DNAJC6: variants seen among roughly 807,000 people sequenced by gnomAD.
DNAJC6 encodes DnaJ heat shock protein family (Hsp40) member C6.
In DNAJC6, 34 loss-of-function variants were observed where a neutral mutation model predicts 110.0. That is an observed-to-expected ratio of 0.31 (90% CI 0.24 to 0.41). The LOEUF (loss-of-function observed/expected upper bound fraction) is 0.41, where lower values mean the gene tolerates loss of function less well. DNAJC6 is among the 10% of genes least tolerant of loss of function. The probability of loss-of-function intolerance (pLI) is 1.00; values close to 1 mark genes in which losing one functional copy is unlikely to be tolerated. For missense variants in DNAJC6, 1,031 were observed against 1,207.8 expected (o/e 0.85, Z 2.17); for synonymous variants, 406 against 437.2 (o/e 0.93, Z 0.89).
In DNAJC6 at chr1:65,389,612, T is replaced by G; in HGVS notation, c.1453T>G (p.Ser485Ala). The change falls in exon 11 of 19, where the codon TCT becomes GCT. Residue 485 changes from serine to alanine, a missense_variant. By Grantham distance (99) the Ser-to-Ala change is moderately conservative. Coordinates refer to ENST00000371069, the MANE Select transcript of DNAJC6 (RefSeq NM_001256864.2). ...RHYGQSGFFA[S>A]LCWQDQKSEK... ...TTACGGACAAAGTGGTTTCTTTGCC[T>G]CTCTCTGTTGGCAAGGTATTTACAA... 1 of 1,614,146 alleles carries G rather than the reference T, an allele frequency of 6.2e-7. No individual in the cohort carries two copies. The highest frequency in any genetic ancestry group is 8.5e-7 in the Non-Finnish European group (1 of 1,179,968).
chr1:65,278,789 C>A (rs1045063465), intron 1 of DNAJC6, among the ~76,000 whole-genome samples: 2 of 152,304 alleles, frequency 1.3e-5, no homozygotes, highest in Admixed American at 1.3e-4. Context: ...GGGAATGTCT[C>A]ATAACCAGGA....
intron 13 of DNAJC6, among the ~76,000 whole-genome samples, chr1:65,398,536 C>A (rs534888494): frequency 6.6e-6 from 1 of 152,096 alleles, no homozygotes; most frequent in African/African-American, 2.4e-5. Context: ...TAACTCAAAG[C>A]GTGTGGATAT....
At chr1:65,380,827 A>G (rs1206370979) in intron 5 of DNAJC6, among the ~76,000 whole-genome samples, 1 of 151,864 alleles carries the variant, frequency 6.6e-6, no homozygotes, top group Non-Finnish European at 1.5e-5. Flanking sequence ...CTCAAAAAGG[A>G]CATGCATATG....
chr1:65,295,695 G>A (rs1311024690), intron 1 of DNAJC6, among the ~76,000 whole-genome samples: 1 of 152,180 alleles, frequency 6.6e-6, no homozygotes, highest in Non-Finnish European at 1.5e-5. Flanking sequence ...CAGGCTGGAA[G>A]TCTGGGTCTG....
Position 65,309,856 on chromosome 1 carries a change from C to T in DNAJC6, c.111C>T (p.Gly37=). The T allele has an allele frequency of 6.5e-7, 1 of 1,548,422 alleles. No homozygotes were observed. ...GTGCGGGAAGCGGCGGGGTTGGCGG[C>T]AAGCAGAGAGTGAACGCCGGGGCAG... ...DLSAGSGGVG[G]KQRVNAGAAA... The change falls in exon 1 of 19, where the codon GGC becomes GGT. Residue 37 remains glycine, a synonymous_variant. Coordinates refer to ENST00000371069, the MANE Select transcript of DNAJC6 (RefSeq NM_001256864.2).
At chr1:65,295,922 A>G (rs1231916653) in intron 1 of DNAJC6, among the ~76,000 whole-genome samples, 2 of 152,204 alleles carry the variant, frequency 1.3e-5, no homozygotes, top group African/African-American at 4.8e-5. Context: ...AACCAACACC[A>G]CTATGCTCTC....
intron 1 of DNAJC6, among the ~76,000 whole-genome samples, chr1:65,284,837 C>T (rs533745953): frequency 1.1e-4 from 16 of 152,092 alleles, no homozygotes; most frequent in Admixed American, 9.8e-4. Flanking sequence ...TACAGGCACC[C>T]ACCACCACGC....
At chr1:65,329,857 A>G (rs1456131503) in intron 1 of DNAJC6, among the ~76,000 whole-genome samples, 5 of 152,150 alleles carry the variant, frequency 3.3e-5, no homozygotes, top group Admixed American at 2.6e-4. Flanking sequence ...TGGGATGTTT[A>G]TTGATGTTCA....
chr1:65,356,419 C>G (rs969510417), intron 1 of DNAJC6, among the ~76,000 whole-genome samples: 3 of 151,768 alleles, frequency 2.0e-5, no homozygotes, highest in African/African-American at 7.3e-5. Context: ...AAAAAATTAA[C>G]TGGGTGTGGT....
chr1:65,275,585 T>C (rs897827472), intron 1 of DNAJC6, among the ~76,000 whole-genome samples: 1 of 152,180 alleles, frequency 6.6e-6, no homozygotes, highest in African/African-American at 2.4e-5. Flanking sequence ...TTTCAGTCCT[T>C]CTTGAATCTG....
At chr1:65,273,859 G>A (rs1203108498) in intron 1 of DNAJC6, among the ~76,000 whole-genome samples, 1 of 152,078 alleles carries the variant, frequency 6.6e-6, no homozygotes, top group African/African-American at 2.4e-5. Flanking sequence ...ACTTGGAAAT[G>A]TTTTAGACTT....
intron 1 of DNAJC6, among the ~76,000 whole-genome samples, chr1:65,356,611 T>TA (rs1308128886): frequency 7.3e-5 from 11 of 151,566 alleles, no homozygotes; most frequent in Admixed American, 1.3e-4. Flanking sequence ...AAAATAAATT[T>TA]AAAAAAATAA....
At chr1:65,309,985 C>G in intron 1 of DNAJC6, 47 bp downstream of exon 1, 1 of 1,361,708 alleles carries the variant, frequency 7.3e-7, no homozygotes, top group Non-Finnish European at 9.4e-7. Context: ...GCGCGGCCTC[C>G]GGAGCCTCCC....
rs1645356531 is a variant in DNAJC6 at position 65,338,206 on chromosome 1, C to A, written c.194-26429C>A. 2.0e-5 allele frequency among the ~76,000 whole-genome samples: 3 copies of A among 152,112 alleles called. No homozygotes were observed. The South Asian group carries it at 6.2e-4, about 32-fold the overall frequency. The stretch of plus-strand genomic sequence containing the variant: ...TAAAAGGTAAAATACATTATGGATT[C>A]ACAATTATATTTCTTTCTCCCATGC... On this transcript the variant is annotated intron_variant, in intron 1 of 18. Transcript: ENST00000371069.
chr1:65,292,284 C>T (rs1292635664), intron 1 of DNAJC6, among the ~76,000 whole-genome samples: 3 of 149,376 alleles, frequency 2.0e-5, no homozygotes, highest in Non-Finnish European at 3.0e-5. Flanking sequence ...TCCCAAAGTG[C>T]TGGGATTACA....
intron 1 of DNAJC6, among the ~76,000 whole-genome samples, chr1:65,299,484 G>A (rs1268168749): frequency 6.6e-6 from 1 of 152,216 alleles, no homozygotes; most frequent in Non-Finnish European, 1.5e-5. Flanking sequence ...ATAGCAGGAT[G>A]AGATGGAGTG....
intron 1 of DNAJC6, among the ~76,000 whole-genome samples, chr1:65,314,367 T>A (rs987542114): frequency 6.6e-6 from 1 of 152,194 alleles, no homozygotes; most frequent in Non-Finnish European, 1.5e-5. Context: ...CGTGTTTGGA[T>A]AATTGTATAC....
chr1:65,321,279 C>G (rs1300286589), intron 1 of DNAJC6, among the ~76,000 whole-genome samples: 1 of 152,172 alleles, frequency 6.6e-6, no homozygotes, highest in Non-Finnish European at 1.5e-5. Context: ...TAGCTCACTG[C>G]TGCCTCGAAT....
chr1:65,375,255 G>A (rs559685415), intron 4 of DNAJC6, among the ~76,000 whole-genome samples: 2 of 150,880 alleles, frequency 1.3e-5, no homozygotes, highest in South Asian at 2.1e-4. Flanking sequence ...GTGAGCTGCC[G>A]AGCCTGGCCT....
Sources: gnomAD v4.1 joint callset for allele counts (sites outside exome capture counted in the v4.1 genomes callset) on GRCh38, gnomAD v4.1.1 for gene constraint, MANE v1.5 for transcripts, NCBI Gene and HGNC (gene_info 2026-07-23, HGNC 2026-07-21) for gene names.